PIGN: variants seen among roughly 807,000 people sequenced by gnomAD.
PIGN encodes the protein GPI ethanolamine phosphate transferase 1.
Under a neutral mutation model 125.4 loss-of-function variants are expected in PIGN, and 117 were observed. The observed-to-expected ratio is 0.93, with a 90% CI of 0.80 to 1.09. PIGN has a LOEUF of 1.09. Ranked by LOEUF, PIGN falls within the 50% of genes least tolerant of loss-of-function variation. PIGN has a pLI of 0.00. For synonymous variants in PIGN, 392 were observed against 377.8 expected (o/e 1.04, Z -0.44); for missense variants, 1,075 against 1,094.9 (o/e 0.98, Z 0.26).
chr18:62,023,224 G>A (rs2030074913), intron 23 of PIGN, among the ~76,000 whole-genome samples: 1 of 152,030 alleles, frequency 6.6e-6, no homozygotes, highest in Non-Finnish European at 1.5e-5. Flanking sequence ...CCCATTAGCA[G>A]TCACTCCTTA....
chr18:62,097,468 T>C (rs2034258275), intron 22 of PIGN, among the ~76,000 whole-genome samples: 1 of 146,710 alleles, frequency 6.8e-6, no homozygotes, highest in African/African-American at 2.5e-5. Context: ...ACTTTTACAC[T>C]GTTGGTGGGA....
At chr18:62,035,157 A>C (rs2030242928) in intron 23 of PIGN, among the ~76,000 whole-genome samples, 1 of 152,116 alleles carries the variant, frequency 6.6e-6, no homozygotes, top group Non-Finnish European at 1.5e-5. Context: ...TTTGCTCCTC[A>C]TTCACCTTCC....
intron 14 of PIGN, among the ~76,000 whole-genome samples, chr18:62,130,335 T>A (rs139016085): frequency 1.3e-5 from 2 of 152,334 alleles, no homozygotes; most frequent in East Asian, 3.9e-4. Context: ...GTGATGGTTT[T>A]ACTATTTGTT....
chr18:62,026,319 G>A (rs1393536973), intron 23 of PIGN, among the ~76,000 whole-genome samples: 1 of 151,890 alleles, frequency 6.6e-6, no homozygotes, highest in African/African-American at 2.4e-5. Context: ...TAATCTGAAA[G>A]TTGGCAGAAA....
intron 6 of PIGN, among the ~76,000 whole-genome samples, chr18:62,154,952 A>G (rs1175063068): frequency 6.6e-6 from 1 of 152,226 alleles, no homozygotes; most frequent in Non-Finnish European, 1.5e-5. Context: ...AATAAGCAAT[A>G]TAACAAAAAT....
intron 23 of PIGN, among the ~76,000 whole-genome samples, chr18:62,021,217 A>G (rs2030051115): frequency 6.6e-6 from 1 of 152,222 alleles, no homozygotes; most frequent in Non-Finnish European, 1.5e-5. Context: ...AAGCAGCTTT[A>G]CTTATTAAAA....
At chr18:62,097,893 C>T (rs964784358) in intron 22 of PIGN, among the ~76,000 whole-genome samples, 6 of 152,110 alleles carry the variant, frequency 3.9e-5, no homozygotes, top group East Asian at 1.9e-4. Flanking sequence ...AAAACATAAA[C>T]TCCTCCATCT....
rs777633452 is a variant in PIGN at position 62,161,168 on chromosome 18, T to G, written c.186A>C (p.Leu62Phe). The G allele has an allele frequency of 6.2e-7, 1 of 1,613,618 alleles. No individual in the cohort carries two copies. Among genetic ancestry groups the G allele is most frequent in the Non-Finnish European group, 8.5e-7 (1 of 1,179,562 alleles). Residue 62 changes from leucine to phenylalanine, a missense_variant, in exon 4 of 31, where the codon TTA (leucine) becomes TTC (phenylalanine). Physicochemically the swap from Leu to Phe is conservative, Grantham distance 22 (BLOSUM62 0). This residue lies in a region of PIGN where 152 missense variants were observed against 162.9 expected (regional missense o/e 0.93). Transcript: ENST00000640252. ...GTGCTCTAGAGTTTCCATTTTCATC[T>G]AATTCGTAAAGTGCATCTGCTCGAA... ...DGLRADALYE[L>F]DENGNSRAPF...
chr18:62,180,052 C>T (rs2037662337), intron 1 of PIGN, among the ~76,000 whole-genome samples: 1 of 152,084 alleles, frequency 6.6e-6, no homozygotes, highest in Admixed American at 6.6e-5. Flanking sequence ...AATAATATGG[C>T]AATTAAGCTG....
Position 62,149,427 on chromosome 18 carries a change from T to C in PIGN, c.550-1089A>G, listed in dbSNP as rs543230016. ...AAAAGTTAAACACATAATTGAGAGC[T>C]GAAAACAAAAAAACTGAGCAAATGA... On this transcript the variant is annotated intron_variant, in intron 7 of 30. Transcript: ENST00000640252. Among the ~76,000 whole-genome samples, 31 of 152,260 alleles carry C rather than the reference T, an allele frequency of 2.0e-4. No individual in the cohort carries two copies. The South Asian group carries it at 4.6e-3, about 22-fold the overall frequency.
Position 62,090,447 on chromosome 18 carries a change from T to C in PIGN, c.2283+29A>G, listed in dbSNP as rs376789613. 6.1e-4 allele frequency: 852 copies of C among 1,386,168 alleles called. 2 individuals are homozygous for C. The highest frequency in any genetic ancestry group is 3.6e-3 in the Middle Eastern group (18 of 4,932). The allele number at this position is 1,386,168 out of a possible 1,614,324, so 85.9% of individuals were successfully genotyped here. On this transcript the variant is annotated intron_variant, in intron 24 of 30. Transcript: ENST00000640252. ...TAGGATAGAGACTAATAGTCTCAAA[T>C]AAAAACAAAAATGACTTTGACCAGC...
intron 23 of PIGN, among the ~76,000 whole-genome samples, chr18:62,091,609 G>T (rs1259609197): frequency 6.6e-6 from 1 of 152,096 alleles, no homozygotes; most frequent in Non-Finnish European, 1.5e-5. Context: ...TGTCCACCGG[G>T]GAATGATTAA....
At position 62,106,842 on chromosome 18, in the gene PIGN, G is replaced by T; in HGVS notation, c.1714C>A (p.Leu572Ile). The change falls in exon 19 of 31, where the codon CTT becomes ATT. Residue 572 changes from leucine to isoleucine, a missense_variant. Leu to Ile is a conservative substitution (Grantham distance 5). Around this residue, in one of 3 missense-constraint regions of PIGN, gnomAD observed 915 missense variants for 908.7 expected, o/e 1.01. Transcript: ENST00000640252. ...AATGGCCAAGCTGCAAAGGCAGTAA[G>T]TCCAGCGGTAAGCATATAGCGGTAG... ...FFYRYMLTAG[L>I]TAFAAWPFLT... 1 of 1,609,650 alleles carries T rather than the reference G, an allele frequency of 6.2e-7. No individual in the cohort carries two copies. Among genetic ancestry groups the T allele is most frequent in the Non-Finnish European group, 8.5e-7 (1 of 1,177,948 alleles).
intron 13 of PIGN, 121 bp downstream of exon 13, chr18:62,138,862 T>G (rs1183088667): frequency 6.8e-6 from 4 of 585,342 alleles, no homozygotes; most frequent in Middle Eastern, 4.7e-4. Flanking sequence ...TACATAAAAT[T>G]TAAAGGTAAA....
chr18:62,151,951 C>T (rs2036552094), intron 7 of PIGN, among the ~76,000 whole-genome samples: 1 of 152,114 alleles, frequency 6.6e-6, no homozygotes. Flanking sequence ...ATATGAGTGG[C>T]CATGGCCCAT....
chr18:62,102,913 A>G lies in PIGN; in HGVS notation c.1860-11T>C. 1 of 1,445,870 alleles carries G rather than the reference A, an allele frequency of 6.9e-7. No individual in the cohort carries two copies. The highest frequency in any genetic ancestry group is 9.3e-7 in the Non-Finnish European group (1 of 1,073,228). The allele number at this position is 1,445,870 out of a possible 1,614,324, so 89.6% of individuals were successfully genotyped here. On this transcript the variant is annotated splice_polypyrimidine_tract_variant and intron_variant, in intron 20 of 30. Transcript: ENST00000640252. ...AAGCCTGCACCCATCCTGTTTTGAA[A>G]TACAATTAATTTTAAATTTTCTTCA...
At chr18:62,154,260 T>C in intron 7 of PIGN, 3 of 447,380 alleles carry the variant, frequency 6.7e-6, no homozygotes, top group South Asian at 5.3e-5. Context: ...CCATGGTCAA[T>C]GAAAGATCAA....
chr18:62,138,532 A>C (rs529836514), intron 13 of PIGN, among the ~76,000 whole-genome samples: 1 of 152,340 alleles, frequency 6.6e-6, no homozygotes, highest in African/African-American at 2.4e-5. Context: ...ACTGTAATTA[A>C]AACTGTACTT....
intron 14 of PIGN, among the ~76,000 whole-genome samples, chr18:62,126,412 T>C (rs775498066): frequency 7.9e-5 from 12 of 152,102 alleles, no homozygotes; most frequent in Non-Finnish European, 1.6e-4. Context: ...ATATTACAGG[T>C]GCTGAGTGAT....
Sources: allele counts gnomAD v4.1 joint callset (sites outside exome capture counted in the v4.1 genomes callset), GRCh38; gene constraint gnomAD v4.1.1; regional missense constraint gnomAD v4.1.1; transcripts MANE v1.5; gene names NCBI Gene and HGNC (gene_info 2026-07-23, HGNC 2026-07-21).